CCDC3: variants seen among roughly 807,000 people sequenced by gnomAD.
The protein encoded by CCDC3 is coiled-coil domain-containing protein 3.
A neutral mutation model predicts 21.4 loss-of-function variants in CCDC3; 24 were observed. The observed-to-expected ratio is 1.12, with a 90% confidence interval of 0.81 to 1.58. The LOEUF is 1.58. Among genes scored for constraint, CCDC3 ranks in the 40% most tolerant of loss-of-function variants. CCDC3 has a pLI of 0.00. For synonymous variants in CCDC3, 186 were observed against 166.0 expected (o/e 1.12, Z -0.93); for missense variants, 425 against 360.9 (o/e 1.18, Z -1.44).
intron 2 of CCDC3, among the ~76,000 whole-genome samples, chr10:12,974,082 G>C (rs55895916): frequency 0.067 from 10,260 of 152,294 alleles, 440 homozygotes; most frequent in Middle Eastern, 0.16. Flanking sequence ...AAAGGTCAAA[G>C]GTCACAGTCT....
intron 2 of CCDC3, among the ~76,000 whole-genome samples, chr10:12,959,928 C>T (rs949809696): frequency 5.9e-5 from 9 of 152,098 alleles, no homozygotes; most frequent in Admixed American, 3.3e-4. Flanking sequence ...CTGAAGCAAG[C>T]GGATAATTTG....
At chr10:13,097,541 T>G (rs1166506840) in intron 3 of CCDC3, among the ~76,000 whole-genome samples, 1 of 152,140 alleles carries the variant, frequency 6.6e-6, no homozygotes, top group Non-Finnish European at 1.5e-5. Context: ...CTGGTCAACA[T>G]GGCGAAACCT....
intron 5 of CCDC3, among the ~76,000 whole-genome samples, chr10:13,043,200 T>C (rs1402728216): frequency 6.6e-6 from 1 of 152,112 alleles, no homozygotes; most frequent in African/African-American, 2.4e-5. Context: ...CAATAGTTTT[T>C]CAAGCCTAAT....
intron 3 of CCDC3, among the ~76,000 whole-genome samples, chr10:13,096,050 A>T (rs641928): frequency 0.023 from 3,527 of 152,270 alleles, 148 homozygotes; most frequent in African/African-American, 0.081. Flanking sequence ...AAGTACGAAT[A>T]TTAGTCTACC....
At chr10:13,077,348 C>T (rs1374089634) in intron 3 of CCDC3, among the ~76,000 whole-genome samples, 4 of 152,114 alleles carry the variant, frequency 2.6e-5, no homozygotes, top group South Asian at 2.1e-4. Flanking sequence ...CACTGCTGAA[C>T]GAAATAAAAG....
chr10:13,040,743 G>A (rs964617443), intron 5 of CCDC3, among the ~76,000 whole-genome samples: 111 of 148,364 alleles, frequency 7.5e-4, no homozygotes, highest in African/African-American at 1.0e-3. Flanking sequence ...AACAGCTGGA[G>A]CCAACCAATG....
chr10:12,909,743 C>T (rs546976506), intron 2 of CCDC3, among the ~76,000 whole-genome samples: 14 of 152,330 alleles, frequency 9.2e-5, no homozygotes, highest in Non-Finnish European at 1.8e-4. Flanking sequence ...CCTAGACAGG[C>T]ACTGACCCAA....
chr10:12,900,852 G>A, intron 2 of CCDC3, among the ~76,000 whole-genome samples: 1 of 152,030 alleles, frequency 6.6e-6, no homozygotes, highest in Non-Finnish European at 1.5e-5. Flanking sequence ...AGCTTCCTAG[G>A]CTCAGAGTAG....
At chr10:13,042,935 A>G (rs1186642277) in intron 5 of CCDC3, among the ~76,000 whole-genome samples, 1 of 150,038 alleles carries the variant, frequency 6.7e-6, no homozygotes, top group Non-Finnish European at 1.5e-5. Flanking sequence ...AAAGAAAAGA[A>G]AAAGAAAACT....
intron 2 of CCDC3, among the ~76,000 whole-genome samples, chr10:12,990,246 C>T (rs897364065): frequency 1.5e-5 from 2 of 137,080 alleles, no homozygotes; most frequent in Non-Finnish European, 3.1e-5. Flanking sequence ...GGCAAAAAAG[C>T]GAGACTCCGT....
At chr10:13,068,575 T>TCAGATATTAGG (rs1326276104) in intron 4 of CCDC3, among the ~76,000 whole-genome samples, 1 of 152,190 alleles carries the variant, frequency 6.6e-6, no homozygotes, top group Non-Finnish European at 1.5e-5. Flanking sequence ...TTGCTAAATG[T>TCAGATATTAGG]TTTAAGGTTA....
chr10:13,015,241 G>A (rs1209868973), intron 5 of CCDC3, among the ~76,000 whole-genome samples: 2 of 152,062 alleles, frequency 1.3e-5, no homozygotes, highest in East Asian at 3.8e-4. Flanking sequence ...AAAAGGACCT[G>A]TAAGACCCTC....
At chr10:13,074,470 G>A (rs1836935257) in intron 3 of CCDC3, among the ~76,000 whole-genome samples, 1 of 150,536 alleles carries the variant, frequency 6.6e-6, no homozygotes, top group Non-Finnish European at 1.5e-5. Flanking sequence ...ACAGGCGTGA[G>A]CCACCACAAC....
intron 5 of CCDC3, among the ~76,000 whole-genome samples, chr10:13,008,157 C>T (rs1835946338): frequency 1.3e-5 from 2 of 152,190 alleles, no homozygotes; most frequent in African/African-American, 4.8e-5. Flanking sequence ...TTTGCAGAGA[C>T]TCAGTGTCTA....
At chr10:12,909,992 G>A (rs915271676) in intron 2 of CCDC3, among the ~76,000 whole-genome samples, 15 of 152,332 alleles carry the variant, frequency 9.8e-5, no homozygotes, top group African/African-American at 2.6e-4. Context: ...CTGGCCATCC[G>A]CCCTCCCGGG....
At chr10:13,043,724 A>G (rs1836491046) in intron 5 of CCDC3, among the ~76,000 whole-genome samples, 2 of 152,360 alleles carry the variant, frequency 1.3e-5, no homozygotes, top group African/African-American at 4.8e-5. Flanking sequence ...CCTGGTGCAT[A>G]TGTACCACAT....
chr10:13,065,797 T>G (rs1300962920), intron 4 of CCDC3, among the ~76,000 whole-genome samples: 1 of 152,220 alleles, frequency 6.6e-6, no homozygotes, highest in Non-Finnish European at 1.5e-5. Flanking sequence ...CAATCATACA[T>G]CAATGTCATA....
chr10:12,943,993 G>A (rs184203309), intron 2 of CCDC3, among the ~76,000 whole-genome samples: 1 of 152,236 alleles, frequency 6.6e-6, no homozygotes, highest in East Asian at 1.9e-4. Context: ...CCTCCCTTAA[G>A]AGTTGACATA....
intron 3 of CCDC3, among the ~76,000 whole-genome samples, chr10:13,090,788 T>C (rs1386304252): frequency 6.6e-6 from 1 of 152,182 alleles, no homozygotes; most frequent in South Asian, 2.1e-4. Context: ...CAGATGCATA[T>C]ATTGAAGGGA....
Sources: gnomAD v4.1 joint callset for allele counts (sites outside exome capture counted in the v4.1 genomes callset) on GRCh38, gnomAD v4.1.1 for gene constraint, MANE v1.5 for transcripts, NCBI Gene and HGNC (gene_info 2026-07-23, HGNC 2026-07-21) for gene names.